The following TMEM41B variants were observed in gnomAD, a reference collection of about 807,000 sequenced individuals.
TMEM41B encodes transmembrane protein 41B, also known as protein stasimon.
Under a neutral mutation model 31.9 loss-of-function variants are expected in TMEM41B, and 18 were observed. The ratio of observed to expected loss-of-function variants is 0.56; its 90% CI spans 0.39 to 0.84. The LOEUF is 0.84. Among genes scored for constraint, TMEM41B ranks in the 40% least tolerant of loss-of-function variants. The probability of loss-of-function intolerance (pLI) is 0.00; values close to 1 mark genes in which losing one functional copy is unlikely to be tolerated. For missense variants in TMEM41B, 322 were observed against 348.0 expected (o/e 0.93, Z 0.59); for synonymous variants, 144 against 124.3 (o/e 1.16, Z -1.05).
In TMEM41B at chr11:9,314,593, C is replaced by T. The variant is rs116886507; in HGVS notation, c.-152G>A. On this transcript the variant is annotated 5_prime_UTR_variant, in exon 1 of 7. Coordinates refer to ENST00000528080, the MANE Select transcript of TMEM41B (RefSeq NM_015012.4). ...GACGACCTCAGCCCAGCGAGTACTGCAACCTCCTGCAAACACCCGCAGCGC... is the reference window on the plus strand; with the variant it reads ...GACGACCTCAGCCCAGCGAGTACTGTAACCTCCTGCAAACACCCGCAGCGC... 84,233 of 1,067,742 alleles carry T rather than the reference C, an allele frequency of 0.079. 3,801 individuals carry two copies. The highest frequency in any genetic ancestry group is 0.1 in the South Asian group (5,992 of 58,354). The allele number at this position is 1,067,742 out of a possible 1,614,324, so 66.1% of individuals were successfully genotyped here.
Position 9,293,600 on chromosome 11 carries a change from T to G in TMEM41B, c.368+1659A>C, listed in dbSNP as rs1030805801. On this transcript the variant is annotated intron_variant, in intron 3 of 6. Coordinates refer to ENST00000528080, the MANE Select transcript of TMEM41B (RefSeq NM_015012.4). ...TTTTATTTTTGTTATTTTTATTTTTTGGGGATGGAATCTTGCTGTCACCAA... is the reference window on the plus strand; with the variant it reads ...TTTTATTTTTGTTATTTTTATTTTTGGGGGATGGAATCTTGCTGTCACCAA... 6.6e-5 allele frequency among the ~76,000 whole-genome samples: 10 copies of G among 152,230 alleles called. No homozygotes were observed. In the South Asian group the frequency reaches 1.5e-3, roughly 22 times the overall value.
At chr11:9,284,373 A>G (rs1478821306) in intron 6 of TMEM41B, among the ~76,000 whole-genome samples, 2 of 151,496 alleles carry the variant, frequency 1.3e-5, no homozygotes, top group African/African-American at 4.9e-5. Flanking sequence ...TGGTCTCTGT[A>G]ACTCCCAGGC....
intron 1 of TMEM41B, among the ~76,000 whole-genome samples, chr11:9,302,242 T>C (rs1472950935): frequency 1.0e-5 from 1 of 99,448 alleles, no homozygotes; most frequent in Non-Finnish European, 2.2e-5. Flanking sequence ...TCTCCTGATC[T>C]TGTGATCCAC....
chr11:9,292,112 A>T (rs1852974044), intron 3 of TMEM41B, among the ~76,000 whole-genome samples: 1 of 152,240 alleles, frequency 6.6e-6, no homozygotes, highest in African/African-American at 2.4e-5. Context: ...AGAAGTCCAC[A>T]CAAAGTATTT....
intron 1 of TMEM41B, among the ~76,000 whole-genome samples, chr11:9,301,594 T>G (rs1853261781): frequency 6.6e-6 from 1 of 152,140 alleles, no homozygotes; most frequent in Non-Finnish European, 1.5e-5. Flanking sequence ...ATTAACACCC[T>G]TCCCCTGTCC....
chr11:9,298,749 G>A lies in TMEM41B; in HGVS notation c.239+835C>T, dbSNP rs536003057. Among the ~76,000 whole-genome samples the A allele has an allele frequency of 5.4e-5, 8 of 148,694 alleles. No individual in the cohort carries two copies. In the East Asian group the frequency reaches 1.2e-3, roughly 22 times the overall value. ...CAACACCACTTACTCCAGCCTGGGCGATAGAGTGAAACTATCTCAAATGAA... is the reference window on the plus strand; with the variant it reads ...CAACACCACTTACTCCAGCCTGGGCAATAGAGTGAAACTATCTCAAATGAA... On this transcript the variant is annotated intron_variant, in intron 2 of 6. Transcript: ENST00000528080.
intron 1 of TMEM41B, among the ~76,000 whole-genome samples, chr11:9,309,756 A>G (rs959434194): frequency 1.3e-5 from 2 of 151,056 alleles, no homozygotes; most frequent in African/African-American, 4.8e-5. Flanking sequence ...CCCCATCTCT[A>G]CTAAAAATAC....
intron 2 of TMEM41B, among the ~76,000 whole-genome samples, chr11:9,297,965 T>C (rs888276762): frequency 2.0e-5 from 3 of 148,228 alleles, no homozygotes; most frequent in Non-Finnish European, 4.4e-5. Context: ...CTCGGGAAAC[T>C]GAGGTAGGGG....
chr11:9,299,612 C>T lies in TMEM41B; in HGVS notation c.211G>A (p.Val71Ile), dbSNP rs1564964677. ...FLSAAFVMFL[V>I]YKNFPQLSEE... is the part of the protein sequence containing the mutation. The stretch of plus-strand genomic sequence containing the variant: ...CTAAGCTGAGGAAAATTTTTATATA[C>T]CAAAAACATAACAAAAGCTGCAGAT... The change falls in exon 2 of 7, where the codon GTA becomes ATA. Residue 71 changes from valine to isoleucine, a missense_variant. Physicochemically the swap from Val to Ile is conservative, Grantham distance 29. Transcript: ENST00000528080. The T allele has an allele frequency of 5.0e-6, 8 of 1,612,222 alleles. No homozygotes were observed. The highest frequency in any genetic ancestry group is 6.8e-6 in the Non-Finnish European group (8 of 1,179,244).
Position 9,281,376 on chromosome 11 carries a change from G to A in TMEM41B, c.*2048C>T, listed in dbSNP as rs949926172. On this transcript the variant is annotated 3_prime_UTR_variant, in exon 7 of 7. Transcript: ENST00000528080. ...ATAAATAATCTCACGCAAAAGGCCA[G>A]GTGACATAAGAATACTACAATAATC... 1 of 152,106 alleles carries A rather than the reference G, an allele frequency of 6.6e-6. No homozygotes were observed. The highest frequency in any genetic ancestry group is 1.5e-5 in the Non-Finnish European group (1 of 68,020). 9.4% of individuals were successfully genotyped at this position (152,106 alleles called of 1,614,324 possible). A position where few individuals can be genotyped will look rare whatever the true frequency, so the allele number is the denominator to read the frequency against.
chr11:9,290,525 T>C lies in TMEM41B; in HGVS notation c.369-1990A>G, dbSNP rs185209975. Among the ~76,000 whole-genome samples the C allele has an allele frequency of 2.6e-3, 395 of 150,378 alleles. 1 individual carries two copies. The highest frequency in any genetic ancestry group is 4.4e-3 in the Admixed American group (66 of 15,042). On this transcript the variant is annotated intron_variant, in intron 3 of 6. Coordinates refer to ENST00000528080, the MANE Select transcript of TMEM41B (RefSeq NM_015012.4). ...GTAACAAACCTGCACGCTGTGCACA[T>C]GTACCCCAGAACTTAAAGTATAATA...
chr11:9,300,287 C>T (rs1009951561), intron 1 of TMEM41B, among the ~76,000 whole-genome samples: 3 of 152,068 alleles, frequency 2.0e-5, no homozygotes, highest in Non-Finnish European at 4.4e-5. Flanking sequence ...AAAAAAAGAA[C>T]ATTGTTCTAA....
intron 1 of TMEM41B, among the ~76,000 whole-genome samples, chr11:9,303,609 TAAACAATCTAACTTCC>T (rs1369005792): frequency 6.6e-6 from 1 of 151,720 alleles, no homozygotes; most frequent in Non-Finnish European, 1.5e-5. Context: ...TTCAGTAATC[TAAACAATCTAACTTCC>T]CAACTAGTCC....
At chr11:9,313,305 G>A (rs1270615460) in intron 1 of TMEM41B, among the ~76,000 whole-genome samples, 1 of 152,202 alleles carries the variant, frequency 6.6e-6, no homozygotes, top group Non-Finnish European at 1.5e-5. Context: ...GACTGTTGGA[G>A]ACATTTTAAA....
rs373249846 is a variant in TMEM41B, at chr11:9,314,309, G to A, written c.121+12C>T. ...CGGGCCACCCCCAGCTCTGCTCCCC[G>A]GGCCCACTCACCCTTCTGGTGGTCT... On this transcript the variant is annotated intron_variant, in intron 1 of 6. Coordinates refer to ENST00000528080, the MANE Select transcript of TMEM41B (RefSeq NM_015012.4). 7.5e-6 allele frequency: 12 copies of A among 1,594,532 alleles called. No homozygotes were observed. In the African/African-American group the frequency reaches 1.3e-4, roughly 18 times the overall value.
At position 9,299,282 on chromosome 11, in the gene TMEM41B, C is replaced by CAAAAAAA. The variant is rs1180036082; in HGVS notation, c.239+295_239+301dup. Among the ~76,000 whole-genome samples, 338 of 41,484 alleles carry CAAAAAAA rather than the reference C, an allele frequency of 8.1e-3. 1 individual carries two copies. The highest frequency in any genetic ancestry group is 0.017 in the African/African-American group (158 of 9,452). 27.2% of individuals were successfully genotyped at this position (41,484 alleles called of 152,430 possible). On this transcript the variant is annotated intron_variant, in intron 2 of 6. Transcript: ENST00000528080. ...TGGGTGACAGGGCAAGACTCTGTCT[C>CAAAAAAA]AAAAAAAAAAAAAAAAAAAAAAAGA...
At chr11:9,291,238 C>T (rs542371757) in intron 3 of TMEM41B, among the ~76,000 whole-genome samples, 9 of 151,810 alleles carry the variant, frequency 5.9e-5, no homozygotes, top group African/African-American at 1.7e-4. Context: ...AAAAATTAGC[C>T]GGGCGCAGTG....
intron 3 of TMEM41B, chr11:9,294,998 T>C: frequency 1.3e-5 from 4 of 311,230 alleles, no homozygotes; most frequent in East Asian, 8.7e-5. Context: ...CTTAATAATA[T>C]GCAATAAAGG....
In TMEM41B at chr11:9,288,544, T is replaced by C; in HGVS notation, c.369-9A>G. On this transcript the variant is annotated splice_polypyrimidine_tract_variant and intron_variant, in intron 3 of 6. Coordinates refer to ENST00000528080, the MANE Select transcript of TMEM41B (RefSeq NM_015012.4). ...TAGCAAATGTTTGCAAGCTGGTAAC[T>C]TTTAAGTTAAGGATTAGAATATAAT... 2 of 1,552,564 alleles carry C rather than the reference T, an allele frequency of 1.3e-6. No homozygotes were observed. Among genetic ancestry groups the C allele is most frequent in the Non-Finnish European group, 1.7e-6 (2 of 1,151,382 alleles).
Sources: allele counts gnomAD v4.1 joint callset (sites outside exome capture counted in the v4.1 genomes callset), GRCh38; gene constraint gnomAD v4.1.1; transcripts MANE v1.5; gene names NCBI Gene and HGNC (gene_info 2026-07-23, HGNC 2026-07-21).